USP22: variants seen among roughly 807,000 people sequenced by gnomAD.
USP22 encodes ubiquitin carboxyl-terminal hydrolase 22.
USP22 carries 22 observed loss-of-function variants against 68.1 expected under a neutral mutation model. The observed-to-expected ratio is 0.32, with a 90% CI of 0.23 to 0.46. The LOEUF is 0.46. Among genes scored for constraint, USP22 ranks in the 20% least tolerant of loss-of-function variants. The pLI, the probability that USP22 is intolerant of heterozygous loss-of-function variation, is 1.00. For missense variants in USP22, 433 were observed against 695.8 expected, an observed-to-expected ratio of 0.62 and a Z score of 4.25; for synonymous variants, 279 against 274.2, an observed-to-expected ratio of 1.02 and a Z score of -0.17.
upstream of USP22, chr17:21,043,394 A>G (rs1429849761): frequency 1.3e-5 from 4 of 297,876 alleles, no homozygotes; most frequent in South Asian, 8.0e-5. Flanking sequence ...TGGCGGCTAG[A>G]CGTTCCCTGT....
At position 21,011,249 on chromosome 17, in the gene USP22, G is replaced by T. The variant is rs749502718; in HGVS notation, c.1005C>A (p.Ser335=). The T allele has an allele frequency of 6.3e-7, 1 of 1,597,374 alleles. No individual in the cohort carries two copies. The highest frequency in any genetic ancestry group is 8.5e-7 in the Non-Finnish European group (1 of 1,171,778). Residue 335 remains serine, a synonymous_variant, in exon 8 of 13, where the codon TCC becomes TCA. Transcript: ENST00000261497. ...WDISLDLPGS[S]TPFWPLSPGS... ...CTGGGCTCAGGGGCCAGAATGGGGT[G>T]GAAGAGCCGGGGAGATCCAAGCTGA...
intron 6 of USP22, among the ~76,000 whole-genome samples, chr17:21,014,167 A>C (rs1435425327): frequency 6.6e-6 from 1 of 152,264 alleles, no homozygotes; most frequent in Non-Finnish European, 1.5e-5. Flanking sequence ...TGGCCAGGCC[A>C]CCTCGCTGAA....
At chr17:21,004,059 T>C (rs1913693106) in intron 12 of USP22, 143 bp downstream of exon 12, 3 of 1,218,002 alleles carry the variant, frequency 2.5e-6, no homozygotes, top group South Asian at 3.1e-5. Flanking sequence ...TGGCATCCTA[T>C]CCAGAACAGG....
Position 21,033,687 on chromosome 17 carries a change from T to C in USP22, c.172-5013A>G, listed in dbSNP as rs182414919. Reference sequence around the variant, plus strand: ...CATCTTAGGAAGGTAAGTTTAATTCTTGTGCATTCTCTTCAGTGACTTTTT... The same window carrying C: ...CATCTTAGGAAGGTAAGTTTAATTCCTGTGCATTCTCTTCAGTGACTTTTT... On this transcript the variant is annotated intron_variant, in intron 1 of 12. Transcript: ENST00000261497. 2.6e-5 allele frequency among the ~76,000 whole-genome samples: 4 copies of C among 152,346 alleles called. No homozygotes were observed. The East Asian group carries it at 5.8e-4, about 22-fold the overall frequency.
intron 10 of USP22, chr17:21,006,434 T>C (rs1042380019): frequency 1.3e-5 from 2 of 151,728 alleles, no homozygotes; most frequent in African/African-American, 4.8e-5. Context: ...AACAACTCAT[T>C]AACATGTGCT....
At chr17:21,013,580 T>G (rs1914034179) in intron 6 of USP22, among the ~76,000 whole-genome samples, 1 of 152,198 alleles carries the variant, frequency 6.6e-6, no homozygotes, top group African/African-American at 2.4e-5. Context: ...CACTAGACAG[T>G]GGGGACAGGG....
At chr17:21,040,259 G>C (rs934338563) in intron 1 of USP22, among the ~76,000 whole-genome samples, 4 of 152,192 alleles carry the variant, frequency 2.6e-5, no homozygotes, top group African/African-American at 9.6e-5. Flanking sequence ...TATGCAGATT[G>C]TCCAACTGTT....
intron 1 of USP22, among the ~76,000 whole-genome samples, chr17:21,039,195 C>T (rs1250508212): frequency 2.0e-5 from 3 of 151,948 alleles, no homozygotes; most frequent in African/African-American, 4.8e-5. Flanking sequence ...TCGTGATCCG[C>T]CCGCCTCGGC....
intron 5 of USP22, 22 bp downstream of exon 5, chr17:21,017,920 T>G (rs1277037913): frequency 3.1e-6 from 5 of 1,611,364 alleles, no homozygotes; most frequent in Non-Finnish European, 3.4e-6. Flanking sequence ...AATGTTCCCC[T>G]GCAGAAGTCA....
intron 7 of USP22, among the ~76,000 whole-genome samples, chr17:21,012,131 T>A (rs1040295019): frequency 4.6e-5 from 7 of 151,844 alleles, no homozygotes; most frequent in Non-Finnish European, 7.4e-5. Context: ...TCAACTGAAG[T>A]AAAGAACAGA....
intron 1 of USP22, among the ~76,000 whole-genome samples, chr17:21,029,714 G>A (rs1972265181): frequency 1.3e-5 from 2 of 152,196 alleles, no homozygotes; most frequent in Non-Finnish European, 2.9e-5. Context: ...CCACAGAAAG[G>A]AGTGAAGTAC....
intron 5 of USP22, 95 bp downstream of exon 5, chr17:21,017,847 G>A (rs969511906): frequency 7.6e-6 from 11 of 1,452,164 alleles, no homozygotes; most frequent in Middle Eastern, 2.1e-4. Context: ...GGTTCTAAAT[G>A]TATCTTCCTT....
chr17:21,011,496 G>T, intron 7 of USP22, 187 bp from the exon 8 acceptor site: 1 of 699,438 alleles, frequency 1.4e-6, no homozygotes, highest in Non-Finnish European at 2.3e-6. Flanking sequence ...TCCCAAGGTG[G>T]CCCTGGGGAG....
chr17:21,024,068 T>C (rs540171386), intron 2 of USP22, among the ~76,000 whole-genome samples: 4 of 152,330 alleles, frequency 2.6e-5, no homozygotes, highest in Admixed American at 2.0e-4. Flanking sequence ...GGCTACCTTC[T>C]GCCCTACTCA....
At chr17:21,016,019 T>C (rs1190862431) in intron 5 of USP22, 120 bp from the exon 6 acceptor site, 4 of 1,334,346 alleles carry the variant, frequency 3.0e-6, no homozygotes, top group Non-Finnish European at 4.0e-6. Context: ...TTGACACAAA[T>C]GTTTGGATTT....
intron 2 of USP22, among the ~76,000 whole-genome samples, chr17:21,025,979 G>A (rs1972214224): frequency 6.6e-6 from 1 of 152,216 alleles, no homozygotes; most frequent in Non-Finnish European, 1.5e-5. Flanking sequence ...GGTTAATAGG[G>A]CCAGGCGCGG....
intron 2 of USP22, among the ~76,000 whole-genome samples, chr17:21,024,552 A>C (rs1972197183): frequency 6.6e-6 from 1 of 152,222 alleles, no homozygotes; most frequent in Admixed American, 6.5e-5. Flanking sequence ...TGGATCAGAG[A>C]CCTAAATATG....
chr17:21,034,569 G>T (rs1463730595), intron 1 of USP22, among the ~76,000 whole-genome samples: 1 of 152,148 alleles, frequency 6.6e-6, no homozygotes, highest in Non-Finnish European at 1.5e-5. Flanking sequence ...ATGAAACTGA[G>T]TGACATCCCG....
rs150933095 is a variant in USP22 at position 21,020,042 on chromosome 17, T to C, written c.419-857A>G. 2.8e-3 allele frequency among the ~76,000 whole-genome samples: 426 copies of C among 152,278 alleles called. 3 individuals carry two copies. Among genetic ancestry groups the C allele is most frequent in the African/African-American group, 9.9e-3 (411 of 41,548 alleles). On this transcript the variant is annotated intron_variant, in intron 3 of 12. Coordinates refer to ENST00000261497, the MANE Select transcript of USP22 (RefSeq NM_015276.2). The stretch of plus-strand genomic sequence containing the variant: ...AGCCCCTGTTGCTATTCTTCCCTTC[T>C]CAAAACACTGGGGTGTTTTCAATGG...
Sources: gnomAD v4.1 joint callset for allele counts (sites outside exome capture counted in the v4.1 genomes callset) on GRCh38, gnomAD v4.1.1 for gene constraint, MANE v1.5 for transcripts, NCBI Gene and HGNC (gene_info 2026-07-23, HGNC 2026-07-21) for gene names.